SH3KBP1: variants seen among roughly 807,000 people sequenced by gnomAD.
SH3KBP1 encodes SH3 domain containing kinase binding protein 1.
Under a neutral mutation model 50.1 loss-of-function variants are expected in SH3KBP1, and 8 were observed. The ratio of observed to expected loss-of-function variants is 0.16; its 90% CI spans 0.09 to 0.29. SH3KBP1 has a LOEUF of 0.29. Among genes scored for constraint, SH3KBP1 ranks in the 10% least tolerant of loss-of-function variants. The pLI is 1.00. For missense variants in SH3KBP1, 377 were observed against 535.2 expected, an observed-to-expected ratio of 0.70 and a Z score of 2.92; for synonymous variants, 227 against 218.6, an observed-to-expected ratio of 1.04 and a Z score of -0.34.
intron 13 of SH3KBP1, among the ~76,000 whole-genome samples, chrX:19,566,647 A>G (rs1649815738): frequency 9.0e-6 from 1 of 111,632 alleles, no homozygotes; most frequent in South Asian, 3.7e-4. Context: ...TTCACAGCCA[A>G]TTACTGCTCT....
At chrX:19,595,080 T>C in intron 9 of SH3KBP1, 80 bp from the exon 10 acceptor site, 1 of 729,546 alleles carries the variant, frequency 1.4e-6, no homozygotes. Flanking sequence ...GACATTGTTT[T>C]CTATGTGCAG....
intron 14 of SH3KBP1, among the ~76,000 whole-genome samples, chrX:19,547,887 G>C (rs927653677): frequency 8.9e-6 from 1 of 112,399 alleles, no homozygotes; most frequent in African/African-American, 3.2e-5. Flanking sequence ...AGAGTAAATA[G>C]GAATTCAATG....
intron 1 of SH3KBP1, among the ~76,000 whole-genome samples, chrX:19,870,277 G>A (rs954078772): frequency 1.8e-5 from 2 of 112,219 alleles, no homozygotes; most frequent in Admixed American, 1.9e-4. Flanking sequence ...GGAAAGAGGA[G>A]GGAGGGGACA....
chrX:19,666,226 A>G (rs1402102126), intron 6 of SH3KBP1, among the ~76,000 whole-genome samples: 1 of 111,322 alleles, frequency 9.0e-6, no homozygotes, highest in Non-Finnish European at 1.9e-5. Flanking sequence ...TTTATCCACT[A>G]CGTAAGATGA....
intron 12 of SH3KBP1, among the ~76,000 whole-genome samples, chrX:19,579,856 A>ACC (rs2066311319): frequency 9.0e-6 from 1 of 110,942 alleles, no homozygotes; most frequent in South Asian, 3.9e-4. Context: ...TCATGCTTCC[A>ACC]CCCGGAGGAT....
intron 16 of SH3KBP1, among the ~76,000 whole-genome samples, chrX:19,540,887 G>A (rs2064866776): frequency 9.1e-6 from 1 of 110,083 alleles, no homozygotes; most frequent in African/African-American, 3.3e-5. Context: ...TAAACTCCTC[G>A]AGCCTCAGTT....
At chrX:19,798,881 A>G (rs981193555) in intron 2 of SH3KBP1, among the ~76,000 whole-genome samples, 1 of 112,376 alleles carries the variant, frequency 8.9e-6, no homozygotes, top group Non-Finnish European at 1.9e-5. Context: ...TCATTACTTT[A>G]AACAATCCAG....
chrX:19,645,288 G>A (rs989624923), intron 7 of SH3KBP1, 112 bp downstream of exon 7: 1 of 552,206 alleles, frequency 1.8e-6, no homozygotes, highest in Admixed American at 2.9e-5. Flanking sequence ...ACATTTTTCT[G>A]ATGCGTTTGC....
chrX:19,677,666 G>A (rs750192182), intron 6 of SH3KBP1, among the ~76,000 whole-genome samples: 43 of 112,289 alleles, frequency 3.8e-4, no homozygotes, highest in Admixed American at 9.4e-5. Context: ...GCCAGTTGCC[G>A]AAGGCACAAT....
intron 5 of SH3KBP1, among the ~76,000 whole-genome samples, chrX:19,691,564 G>T (rs1490522650): frequency 9.2e-6 from 1 of 108,633 alleles, no homozygotes; most frequent in African/African-American, 3.3e-5. Context: ...CACGCTGTGA[G>T]AAATTAATAG....
intron 2 of SH3KBP1, among the ~76,000 whole-genome samples, chrX:19,753,790 A>G (rs1371331027): frequency 2.7e-5 from 3 of 112,289 alleles, no homozygotes; most frequent in African/African-American, 6.5e-5. Flanking sequence ...TGTAAAGAAG[A>G]AAAAAAACAT....
At chrX:19,778,430 CAAAAAAAAAAA>C (rs374544534) in intron 2 of SH3KBP1, among the ~76,000 whole-genome samples, 1 of 46,550 alleles carries the variant, frequency 2.1e-5, no homozygotes, top group Non-Finnish European at 4.2e-5. Flanking sequence ...GACTCCATCT[CAAAAAAAAAAA>C]AAAAAAGAAA....
intron 2 of SH3KBP1, among the ~76,000 whole-genome samples, chrX:19,825,781 C>G (rs1157045050): frequency 9.0e-6 from 1 of 111,430 alleles, no homozygotes; most frequent in African/African-American, 3.3e-5. Context: ...GGCTGAGGCA[C>G]GAGAGCTGTT....
intron 7 of SH3KBP1, among the ~76,000 whole-genome samples, chrX:19,644,964 T>A (rs182772934): frequency 9.2e-4 from 103 of 111,465 alleles, no homozygotes; most frequent in African/African-American, 3.3e-3. Flanking sequence ...CAAGCAGAGA[T>A]GTGTTGAAGA....
chrX:19,729,474 A>G (rs2148758062), intron 3 of SH3KBP1, among the ~76,000 whole-genome samples: 1 of 112,363 alleles, frequency 8.9e-6, no homozygotes, highest in South Asian at 3.7e-4. Flanking sequence ...TAAATTTATG[A>G]TCACCTCCAC....
intron 1 of SH3KBP1, among the ~76,000 whole-genome samples, chrX:19,848,866 T>C (rs982924087): frequency 9.0e-6 from 1 of 111,563 alleles, no homozygotes; most frequent in African/African-American, 3.3e-5. Context: ...CTGGAACTCC[T>C]GGGCTCAAAT....
intron 7 of SH3KBP1, among the ~76,000 whole-genome samples, chrX:19,633,156 T>C (rs978039922): frequency 6.3e-5 from 7 of 111,924 alleles, no homozygotes; most frequent in African/African-American, 1.3e-4. Context: ...AGGGTTGGGA[T>C]AGGACAGAGA....
chrX:19,814,816 C>T (rs774268533), intron 2 of SH3KBP1, among the ~76,000 whole-genome samples: 19 of 111,582 alleles, frequency 1.7e-4, no homozygotes, highest in African/African-American at 6.2e-4. Flanking sequence ...AGGCCCACAT[C>T]CTCTCACACT....
chrX:19,689,556 A>T (rs2063238661), intron 5 of SH3KBP1, among the ~76,000 whole-genome samples: 2 of 111,990 alleles, frequency 1.8e-5, no homozygotes, highest in Admixed American at 9.5e-5. Flanking sequence ...CATTGGCAGC[A>T]AGGCAATTTG....
Sources: gnomAD v4.1 joint callset for allele counts (sites outside exome capture counted in the v4.1 genomes callset) on GRCh38, gnomAD v4.1.1 for gene constraint, MANE v1.5 for transcripts, NCBI Gene and HGNC (gene_info 2026-07-23, HGNC 2026-07-21) for gene names.